PALS2: variants seen among roughly 807,000 people sequenced by gnomAD.
PALS2 encodes the protein protein PALS2.
Under a neutral mutation model 61.6 loss-of-function variants are expected in PALS2, and 27 were observed. The observed-to-expected ratio is 0.44, with a 90% CI of 0.32 to 0.60. PALS2 has a LOEUF of 0.60. Ranked by LOEUF, PALS2 falls within the 20% of genes least tolerant of loss-of-function variation. The probability of loss-of-function intolerance (pLI) is 0.05; values close to 1 mark genes in which losing one functional copy is unlikely to be tolerated. For synonymous variants in PALS2, 236 were observed against 218.6 expected, an observed-to-expected ratio of 1.08 and a Z score of -0.70; for missense variants, 554 against 639.4, an observed-to-expected ratio of 0.87 and a Z score of 1.44.
rs1788500405 is a variant in PALS2, at chr7:24,692,040, A to G, written c.*4426A>G. ...TTTTTTAAGGTAAGGTTATTTTTAA[A>G]TTGCATTTTTGTTCTAACGTTTTGC... is the stretch of plus-strand genomic sequence containing the variant. On this transcript the variant is annotated 3_prime_UTR_variant, in exon 12 of 12. Coordinates refer to ENST00000222644, the MANE Select transcript of PALS2 (RefSeq NM_001303037.2). The G allele has an allele frequency of 6.6e-6, 1 of 152,138 alleles. No homozygotes were observed. Among genetic ancestry groups the G allele is most frequent in the Non-Finnish European group, 1.5e-5 (1 of 67,978 alleles). The allele number at this position is 152,138 out of a possible 1,614,324, so 9.4% of individuals were successfully genotyped here.
At position 24,618,430 on chromosome 7, in the gene PALS2, T is replaced by C. The variant is rs180855225; in HGVS notation, c.-2-5236T>C. ...GAAAACAACTCCTAGGCTGGAAAAG[T>C]GCAGGGTGTACTTCAGAAATGGTTC... On this transcript the variant is annotated intron_variant, in intron 1 of 11. Coordinates refer to ENST00000222644, the MANE Select transcript of PALS2 (RefSeq NM_001303037.2). This position sits in a 1 kb window ranked among gnomAD's most constrained non-coding sequence, Gnocchi z 5.1. Among the ~76,000 whole-genome samples the C allele has an allele frequency of 1.3e-5, 2 of 152,334 alleles. No homozygotes were observed. The highest frequency in any genetic ancestry group is 1.3e-4 in the Admixed American group (2 of 15,306).
Position 24,668,586 on chromosome 7 carries a change from A to C in PALS2, c.1040A>C (p.Gln347Pro). 2 of 1,613,988 alleles carry C rather than the reference A, an allele frequency of 1.2e-6. No individual in the cohort carries two copies. Among genetic ancestry groups the C allele is most frequent in the Non-Finnish European group, 1.7e-6 (2 of 1,179,932 alleles). Residue 347 changes from glutamine (Q) to proline (P), a missense_variant, in exon 9 of 12, where the codon CAA (glutamine) becomes CCA (proline). Gln to Pro is a moderately conservative substitution (Grantham distance 76, BLOSUM62 -1). Coordinates refer to ENST00000222644, the MANE Select transcript of PALS2 (RefSeq NM_001303037.2). ...AAAACATTAGTATTGATAGGAGCTC[A>C]AGGTGTAGGCCGAAGAAGCTTGAAA... ...QRKTLVLIGAQGVGRRSLKNR... is the reference protein window; with the variant it reads ...QRKTLVLIGAPGVGRRSLKNR...
rs187117102 is a variant in PALS2, at chr7:24,679,119, T to C, written c.1115-12T>C. ...TTTCTTTGTACAAAAATCTCAACAC[T>C]ATTTTATTTAGTTACTTCACGGAAA... On this transcript the variant is annotated splice_polypyrimidine_tract_variant and intron_variant, in intron 9 of 11. Coordinates refer to ENST00000222644, the MANE Select transcript of PALS2 (RefSeq NM_001303037.2). 1 of 1,610,966 alleles carries C rather than the reference T, an allele frequency of 6.2e-7. No homozygotes were observed. Among genetic ancestry groups the C allele is most frequent in the Non-Finnish European group, 8.5e-7 (1 of 1,177,532 alleles).
At chr7:24,582,052 A>C (rs1233991473) in intron 1 of PALS2, among the ~76,000 whole-genome samples, 1 of 152,186 alleles carries the variant, frequency 6.6e-6, no homozygotes, top group Non-Finnish European at 1.5e-5. Context: ...TGGAGTGAGA[A>C]CTTAAAAGTT....
intron 2 of PALS2, among the ~76,000 whole-genome samples, chr7:24,626,490 C>T (rs1160187406): frequency 6.6e-6 from 1 of 152,070 alleles, no homozygotes; most frequent in Non-Finnish European, 1.5e-5. Context: ...GCAAAATAAC[C>T]AGCTAGCATT....
chr7:24,672,578 A>C (rs963296910), intron 9 of PALS2, among the ~76,000 whole-genome samples: 8 of 152,050 alleles, frequency 5.3e-5, no homozygotes, highest in Non-Finnish European at 1.2e-4. Flanking sequence ...TTAGGTTTTC[A>C]TTTTAATGCT....
chr7:24,606,171 T>TA (rs1783891303), intron 1 of PALS2, among the ~76,000 whole-genome samples: 1 of 152,172 alleles, frequency 6.6e-6, no homozygotes, highest in Admixed American at 6.5e-5. Context: ...TCTTTATGCC[T>TA]ACAGTTAAGA....
intron 9 of PALS2, among the ~76,000 whole-genome samples, chr7:24,670,884 G>A (rs961370772): frequency 1.3e-5 from 2 of 152,118 alleles, no homozygotes; most frequent in Admixed American, 6.6e-5. Flanking sequence ...TCCTTGCTAA[G>A]TGATTATTAT....
In PALS2 at chr7:24,693,248, AG is replaced by A. The variant is rs1352924687; in HGVS notation, c.*5636del. 1.3e-5 allele frequency: 2 copies of A among 152,178 alleles called. No individual in the cohort carries two copies. The highest frequency in any genetic ancestry group is 6.5e-5 in the Admixed American group (1 of 15,280). The allele number at this position is 152,178 out of a possible 1,614,324, so 9.4% of individuals were successfully genotyped here. On this transcript the variant is annotated 3_prime_UTR_variant, in exon 12 of 12. Transcript: ENST00000222644. ...GGTGTTGCTACCACAGAAGCCAAAA[AG>A]GTCTTAAAATTGGAAATAGATGTCT... is the stretch of plus-strand genomic sequence containing the variant.
In PALS2 at chr7:24,630,166, C is replaced by T. The variant is rs552150605; in HGVS notation, c.117+6382C>T. 5.3e-3 allele frequency among the ~76,000 whole-genome samples: 812 copies of T among 152,256 alleles called. 3 individuals carry two copies. The highest frequency in any genetic ancestry group is 0.018 in the African/African-American group (768 of 41,534). On this transcript the variant is annotated intron_variant, in intron 2 of 11. Transcript: ENST00000222644. The stretch of plus-strand genomic sequence containing the variant: ...GCGGCCATAAAAAATGATGAGTTCA[C>T]GTCCTTTGCAGGGACATTGATAGAG...
chr7:24,600,067 A>G (rs1783664313), intron 1 of PALS2, among the ~76,000 whole-genome samples: 1 of 152,094 alleles, frequency 6.6e-6, no homozygotes, highest in Admixed American at 6.5e-5. Flanking sequence ...CACTCTTTTC[A>G]GAAATCTGTT....
chr7:24,643,287 A>T (rs568169843), intron 3 of PALS2, among the ~76,000 whole-genome samples: 15 of 152,306 alleles, frequency 9.8e-5, no homozygotes, highest in African/African-American at 3.6e-4. Flanking sequence ...TAATAAATAT[A>T]TAAGCACATA....
chr7:24,666,371 C>CT (rs1787017002), intron 8 of PALS2, among the ~76,000 whole-genome samples: 1 of 152,130 alleles, frequency 6.6e-6, no homozygotes, highest in Non-Finnish European at 1.5e-5. Context: ...ATAATTGAAA[C>CT]TATTTGTCCA....
At chr7:24,620,274 T>G (rs1466742685) in intron 1 of PALS2, 1 of 152,190 alleles carries the variant, frequency 6.6e-6, no homozygotes, top group Admixed American at 6.5e-5. Flanking sequence ...CATCTCTCAT[T>G]ATTTGTTATA....
chr7:24,690,035 A>C lies in PALS2; in HGVS notation c.*2421A>C, dbSNP rs1197042782. 1 of 152,234 alleles carries C rather than the reference A, an allele frequency of 6.6e-6. No individual in the cohort carries two copies. The highest frequency in any genetic ancestry group is 1.5e-5 in the Non-Finnish European group (1 of 68,030). 9.4% of individuals were successfully genotyped at this position (152,234 alleles called of 1,614,324 possible). A position where few individuals can be genotyped will look rare whatever the true frequency, so the allele number is the denominator to read the frequency against. Reference sequence around the variant, plus strand: ...AATGTATTACTTAGAAAATATACTTAAAGGAATTATTTCTATTATAAATGG... The same window carrying C: ...AATGTATTACTTAGAAAATATACTTCAAGGAATTATTTCTATTATAAATGG... On this transcript the variant is annotated 3_prime_UTR_variant, in exon 12 of 12. Transcript: ENST00000222644.
intron 2 of PALS2, among the ~76,000 whole-genome samples, chr7:24,631,407 G>C (rs1422907548): frequency 3.9e-5 from 6 of 152,188 alleles, no homozygotes; most frequent in Non-Finnish European, 7.3e-5. Context: ...GATAAAACTT[G>C]AACAGATAAG....
chr7:24,648,096 C>G (rs1004859312), intron 3 of PALS2, among the ~76,000 whole-genome samples: 7 of 152,038 alleles, frequency 4.6e-5, no homozygotes, highest in African/African-American at 1.7e-4. Flanking sequence ...GAATTTTTTT[C>G]TCCAGTGTTT....
chr7:24,665,615 G>C lies in PALS2; in HGVS notation c.811G>C (p.Ala271Pro). The change falls in exon 7 of 12, where the codon GCT becomes CCT. Residue 271 changes from alanine (A) to proline (P), a missense_variant. By Grantham distance (27) the Ala-to-Pro change is conservative. Transcript: ENST00000222644. ...QASHVKEGGSAGLIPSQFLEE... is the reference protein window; with the variant it reads ...QASHVKEGGSPGLIPSQFLEE... ...TAGCCATGTAAAAGAGGGAGGAAGC[G>C]CTGGTCTCATTCCAAGCCAGTTCCT... 6.2e-7 allele frequency: 1 copy of C among 1,613,654 alleles called. No homozygotes were observed. The highest frequency in any genetic ancestry group is 1.1e-5 in the South Asian group (1 of 91,058).
At chr7:24,575,850 T>G (rs1782623430) in intron 1 of PALS2, among the ~76,000 whole-genome samples, 3 of 152,226 alleles carry the variant, frequency 2.0e-5, no homozygotes, top group Non-Finnish European at 2.9e-5. Context: ...CTAATATAAA[T>G]TACCTATTGC....
Sources: gnomAD v4.1 joint callset for allele counts (sites outside exome capture counted in the v4.1 genomes callset) on GRCh38, gnomAD v4.1.1 for gene constraint, Gnocchi (gnomAD v3.1) non-coding constraint, MANE v1.5 for transcripts, NCBI Gene and HGNC (gene_info 2026-07-23, HGNC 2026-07-21) for gene names.